Variants in SSUH2 observed in about 807,000 individuals in gnomAD.
SSUH2 encodes the protein protein SSUH2 homolog.
A neutral mutation model predicts 55.3 loss-of-function variants in SSUH2; 47 were observed. The observed-to-expected ratio is 0.85, with a 90% CI of 0.67 to 1.08. SSUH2 has a LOEUF of 1.08. SSUH2 is among the 50% of genes least tolerant of loss of function. The pLI, the probability that SSUH2 is intolerant of heterozygous loss-of-function variation, is 0.00. For missense variants in SSUH2, 535 were observed against 490.7 expected (o/e 1.09, Z -0.85); for synonymous variants, 212 against 191.5 (o/e 1.11, Z -0.89).
intron 7 of SSUH2, among the ~76,000 whole-genome samples, chr3:8,658,131 A>G (rs751128314): frequency 2.0e-5 from 3 of 152,204 alleles, no homozygotes; most frequent in African/African-American, 7.2e-5. Flanking sequence ...CAGCTTCTAC[A>G]TCAGAAAACT....
intron 7 of SSUH2, among the ~76,000 whole-genome samples, chr3:8,649,815 G>T (rs1164490723): frequency 6.6e-6 from 1 of 151,960 alleles, no homozygotes; most frequent in East Asian, 1.9e-4. Flanking sequence ...AACTCAGACT[G>T]ATCCCTCTAC....
chr3:8,679,455 C>T (rs1192221881), intron 2 of SSUH2, among the ~76,000 whole-genome samples: 3 of 141,434 alleles, frequency 2.1e-5, no homozygotes, highest in Non-Finnish European at 4.8e-5. Flanking sequence ...CGGGGGGAGG[C>T]ACCCCCCGGG....
chr3:8,666,802 T>C (rs1704035780), intron 5 of SSUH2, among the ~76,000 whole-genome samples: 1 of 152,216 alleles, frequency 6.6e-6, no homozygotes, highest in Admixed American at 6.5e-5. Context: ...TCCAGGACTC[T>C]GGAACTCCTG....
At chr3:8,647,213 T>G (rs1249115838), upstream of SSUH2, among the ~76,000 whole-genome samples, 1 of 152,162 alleles carries the variant, frequency 6.6e-6, no homozygotes, top group African/African-American at 2.4e-5. Context: ...TTCAAGTGTT[T>G]AAAGGGGCAT....
At chr3:8,651,278 C>T (rs1251304275) in intron 7 of SSUH2, among the ~76,000 whole-genome samples, 1 of 152,218 alleles carries the variant, frequency 6.6e-6, no homozygotes, top group East Asian at 1.9e-4. Flanking sequence ...CAGCCCATTG[C>T]ATCTCTCGGC....
chr3:8,638,859 G>C (rs1000380554), intron 1 of SSUH2, among the ~76,000 whole-genome samples: 1 of 152,130 alleles, frequency 6.6e-6, no homozygotes, highest in African/African-American at 2.4e-5. Context: ...CAAGTCTTGG[G>C]TCTGCTGGGG....
upstream of SSUH2, among the ~76,000 whole-genome samples, chr3:8,648,599 T>C (rs1444967121): frequency 2.6e-5 from 4 of 152,078 alleles, no homozygotes; most frequent in Non-Finnish European, 1.5e-5. Context: ...AAGCTTCCAA[T>C]GAGTGCTCAC....
intron 4 of SSUH2, among the ~76,000 whole-genome samples, chr3:8,671,628 T>C (rs899900642): frequency 7.2e-5 from 11 of 152,204 alleles, no homozygotes; most frequent in African/African-American, 2.7e-4. Context: ...TGTAGAGTCC[T>C]GTGACAACAT....
At chr3:8,635,452 G>A (rs1410802222) in intron 2 of SSUH2, 71 bp from the exon 3 acceptor site, 2 of 1,133,174 alleles carry the variant, frequency 1.8e-6, no homozygotes, top group East Asian at 2.6e-5. Context: ...GTGGAAGAAG[G>A]AAAGACTGAT....
chr3:8,680,814 G>A lies in SSUH2; in HGVS notation c.-1045-965C>T, dbSNP rs760754873. 3.4e-4 allele frequency among the ~76,000 whole-genome samples: 52 copies of A among 152,032 alleles called. 1 individual carries two copies. Among genetic ancestry groups the A allele is most frequent in the Non-Finnish European group, 6.0e-4 (41 of 67,990 alleles). ...GCCTCTGAATATTGGAAAGAATATT[G>A]CAGGGTGGGTGTACACCTCGTTCTC... is the stretch of plus-strand genomic sequence containing the variant. On this transcript the variant is annotated intron_variant, in intron 1 of 18. Coordinates refer to the SSUH2 transcript ENST00000317371.
rs1701437793 is a variant in SSUH2, at chr3:8,644,727, T to A, written c.28+4A>T. 1 of 1,535,872 alleles carries A rather than the reference T, an allele frequency of 6.5e-7. No homozygotes were observed. The highest frequency in any genetic ancestry group is 1.4e-5 in the African/African-American group (1 of 73,034). On this transcript the variant is annotated splice_donor_region_variant and intron_variant, in intron 1 of 11. Coordinates refer to ENST00000544814, the MANE Select transcript of SSUH2 (RefSeq NM_001256748.3). Reference sequence around the variant, plus strand: ...TTCCGTGCCATCTTTGAGGCTCTACTTACTGTCATCTTCATTCAGATCCCT... The same window carrying A: ...TTCCGTGCCATCTTTGAGGCTCTACATACTGTCATCTTCATTCAGATCCCT...
At position 8,676,482 on chromosome 3, in the gene SSUH2, T is replaced by G. The variant is rs960835351; in HGVS notation, c.-753+724A>C. ...ACTTTCTGCCATACATGTAGTCATATCACCCCCTCTGCCTTGGAATATTAT... is the reference window on the plus strand; with the variant it reads ...ACTTTCTGCCATACATGTAGTCATAGCACCCCCTCTGCCTTGGAATATTAT... On this transcript the variant is annotated intron_variant, in intron 3 of 18. Transcript: ENST00000317371. 1.5e-4 allele frequency among the ~76,000 whole-genome samples: 23 copies of G among 150,754 alleles called. 2 individuals are homozygous for G. The highest frequency in any genetic ancestry group is 8.5e-4 in the South Asian group (4 of 4,730).
intron 5 of SSUH2, among the ~76,000 whole-genome samples, chr3:8,666,406 G>C (rs2125388616): frequency 6.6e-6 from 1 of 152,236 alleles, no homozygotes; most frequent in South Asian, 2.1e-4. Flanking sequence ...TCTTAGGCTG[G>C]GCTCCTGAGA....
At chr3:8,635,648 C>T (rs1021792477) in intron 2 of SSUH2, 111 bp downstream of exon 2, 89 of 1,048,258 alleles carry the variant, frequency 8.5e-5, no homozygotes, top group Non-Finnish European at 1.1e-4. Flanking sequence ...TTCCCAGGGC[C>T]CCCCCAGGGA....
At position 8,678,916 on chromosome 3, in the gene SSUH2, G is replaced by A. The variant is rs1351782741; in HGVS notation, c.-901+789C>T. 5.5e-5 allele frequency among the ~76,000 whole-genome samples: 6 copies of A among 109,210 alleles called. 1 individual carries two copies. Among genetic ancestry groups the A allele is most frequent in the African/African-American group, 9.1e-5 (3 of 32,862 alleles). The allele number at this position is 109,210 out of a possible 152,430, so 71.6% of individuals were successfully genotyped here. A position where few individuals can be genotyped will look rare whatever the true frequency, so the allele number is the denominator to read the frequency against. On this transcript the variant is annotated intron_variant, in intron 2 of 18. Transcript: ENST00000317371. ...GGGAGGGAGGCACCCCCCGCCAGGC[G>A]GGGACTGAGAGCCAGCCACTCTTCC... is the stretch of plus-strand genomic sequence containing the variant.
At chr3:8,666,108 C>T (rs764798712) in intron 5 of SSUH2, among the ~76,000 whole-genome samples, 2 of 152,152 alleles carry the variant, frequency 1.3e-5, no homozygotes, top group Non-Finnish European at 1.5e-5. Context: ...TATGGAGTTT[C>T]AAATGTGCTT....
rs181311708 is a variant in SSUH2, at chr3:8,670,178, T to C, written c.-455+820A>G. ...TTATGACCCAAAACGAGGATACAAC[T>C]GGCCCTGAGAGAGCAGCGGTATACT... On this transcript the variant is annotated intron_variant, in intron 5 of 18. Coordinates refer to the SSUH2 transcript ENST00000317371. Among the ~76,000 whole-genome samples the C allele has an allele frequency of 2.0e-4, 30 of 152,162 alleles. No homozygotes were observed. The East Asian group carries it at 4.5e-3, about 23-fold the overall frequency.
chr3:8,647,491 A>G (rs1701843438), upstream of SSUH2, among the ~76,000 whole-genome samples: 3 of 152,236 alleles, frequency 2.0e-5, no homozygotes, highest in Non-Finnish European at 4.4e-5. Flanking sequence ...CCTAAAGTGG[A>G]CATGGCAGCA....
At chr3:8,644,932 C>T, upstream of SSUH2, 2 of 652,018 alleles carry the variant, frequency 3.1e-6, no homozygotes, top group South Asian at 3.5e-5. Flanking sequence ...TGCACCCAAT[C>T]CACCGGGTTC....
Sources: allele counts gnomAD v4.1 joint callset (sites outside exome capture counted in the v4.1 genomes callset), GRCh38; gene constraint gnomAD v4.1.1; transcripts MANE v1.5; gene names NCBI Gene and HGNC (gene_info 2026-07-23, HGNC 2026-07-21).